The following AGBL1 variants were observed in gnomAD, a reference collection of about 807,000 sequenced individuals.
AGBL1 encodes the protein AGBL carboxypeptidase 1.
In AGBL1, 130 loss-of-function variants were observed where a neutral mutation model predicts 118.9. The observed-to-expected ratio is 1.09, with a 90% CI of 0.95 to 1.26. The LOEUF is 1.26. AGBL1 is among the 50% of genes most tolerant of loss of function. The pLI is 0.00. For missense variants in AGBL1, 1,584 were observed against 1,298.1 expected, an observed-to-expected ratio of 1.22 and a Z score of -3.38; for synonymous variants, 555 against 478.9, an observed-to-expected ratio of 1.16 and a Z score of -2.08.
chr15:86,918,031 G>A (rs902114379), downstream of AGBL1, among the ~76,000 whole-genome samples: 2 of 152,144 alleles, frequency 1.3e-5, no homozygotes, highest in Non-Finnish European at 2.9e-5. Flanking sequence ...GTTCATTTTG[G>A]ATGAAAACAT....
At chr15:86,143,592 GA>G in intron 2 of AGBL1, 106 bp from the exon 3 acceptor site, 1 of 1,370,920 alleles carries the variant, frequency 7.3e-7, no homozygotes, top group Non-Finnish European at 9.9e-7. Context: ...TTACGTAGTT[GA>G]AATGAACTAA....
At chr15:86,312,890 A>G (rs935663355) in intron 17 of AGBL1, among the ~76,000 whole-genome samples, 1 of 152,208 alleles carries the variant, frequency 6.6e-6, no homozygotes, top group African/African-American at 2.4e-5. Flanking sequence ...AGCAAAAAAC[A>G]TTTTGTTCAA....
chr15:86,475,233 T>C (rs537421492), intron 18 of AGBL1, among the ~76,000 whole-genome samples: 3 of 152,294 alleles, frequency 2.0e-5, no homozygotes, highest in South Asian at 2.1e-4. Flanking sequence ...AGAATGACTT[T>C]GACGCGCTGA....
chr15:86,257,167 G>A, intron 8 of AGBL1, 149 bp downstream of exon 8: 1 of 942,672 alleles, frequency 1.1e-6, no homozygotes. Flanking sequence ...TGAAAAAGCA[G>A]TTTTGATTTT....
intron 21 of AGBL1, among the ~76,000 whole-genome samples, chr15:86,565,122 C>G (rs191477001): frequency 2.7e-4 from 41 of 152,356 alleles, no homozygotes; most frequent in Admixed American, 1.2e-3. Context: ...AAGCCTTCTT[C>G]TCTCAAATCG....
At chr15:86,088,896 T>C (rs1292746711) in intron 1 of AGBL1, among the ~76,000 whole-genome samples, 4 of 152,174 alleles carry the variant, frequency 2.6e-5, no homozygotes, top group Non-Finnish European at 5.9e-5. Context: ...GTTTTTGTGC[T>C]CCTTTTCTTC....
At position 86,634,546 on chromosome 15, in the gene AGBL1, G is replaced by A. The variant is rs116359885; in HGVS notation, c.2995-39727G>A. On this transcript the variant is annotated intron_variant, in intron 21 of 22. Coordinates refer to ENST00000614907, the MANE Select transcript of AGBL1 (RefSeq NM_001386094.1). The stretch of plus-strand genomic sequence containing the variant: ...GAAAGTGGATTACTGGTTGCCTGGA[G>A]CTAGGGAAATGGAAAATGGGAAGTG... Among the ~76,000 whole-genome samples, 1,086 of 152,272 alleles carry A rather than the reference G, an allele frequency of 7.1e-3. 11 individuals carry two copies. Among genetic ancestry groups the A allele is most frequent in the African/African-American group, 0.025 (1,029 of 41,546 alleles).
intron 15 of AGBL1, 149 bp from the exon 16 acceptor site, chr15:86,279,490 G>T: frequency 1.3e-6 from 1 of 759,412 alleles, no homozygotes; most frequent in East Asian, 2.7e-5. Context: ...CCTTTTCTCA[G>T]TTTCACCCAC....
chr15:86,910,992 G>A lies in AGBL1; in HGVS notation c.*3698G>A, dbSNP rs2080342505. On this transcript the variant is annotated 3_prime_UTR_variant, in exon 23 of 23. Coordinates refer to ENST00000614907, the MANE Select transcript of AGBL1 (RefSeq NM_001386094.1). ...AGAGCCATTCTTCCAGTCAAGCCAG[G>A]ACTTTCTCTTGCTGGCCAGACCACT... is the stretch of plus-strand genomic sequence containing the variant. The A allele has an allele frequency of 6.6e-6, 1 of 152,202 alleles. No homozygotes were observed. The highest frequency in any genetic ancestry group is 1.5e-5 in the Non-Finnish European group (1 of 68,068). 9.4% of individuals were successfully genotyped at this position (152,202 alleles called of 1,614,324 possible).
chr15:86,304,696 G>A (rs769366281), intron 17 of AGBL1, among the ~76,000 whole-genome samples: 3 of 152,162 alleles, frequency 2.0e-5, no homozygotes, highest in Non-Finnish European at 4.4e-5. Flanking sequence ...GGGTCCCCAA[G>A]GGTAGCCACA....
At chr15:86,259,561 T>C (rs749775556) in intron 9 of AGBL1, among the ~76,000 whole-genome samples, 4 of 152,200 alleles carry the variant, frequency 2.6e-5, no homozygotes, top group Middle Eastern at 3.2e-3. Context: ...ACCCTGCTGA[T>C]GGTAGTAGCA....
At position 86,717,273 on chromosome 15, in the gene AGBL1, C is replaced by T. The variant is rs78986987; in HGVS notation, c.3158+42837C>T. On this transcript the variant is annotated intron_variant, in intron 22 of 22. Transcript: ENST00000614907. ...AGTATTAGTTTCCATTTTATAAACT[C>T]GATTTCTGCAAATAAAATTCATATA... is the stretch of plus-strand genomic sequence containing the variant. Among the ~76,000 whole-genome samples, 398 of 152,182 alleles carry T rather than the reference C, an allele frequency of 2.6e-3. 1 individual carries two copies. Among genetic ancestry groups the T allele is most frequent in the African/African-American group, 9.1e-3 (376 of 41,522 alleles).
At chr15:86,988,308 G>A (rs2081304315) in intron 24 of AGBL1, 5 of 487,296 alleles carry the variant, frequency 1.0e-5, no homozygotes, top group African/African-American at 3.9e-5. Flanking sequence ...ATTACTGGTT[G>A]TTCTGTATGC....
At chr15:86,086,038 T>C (rs1416439511) in intron 1 of AGBL1, among the ~76,000 whole-genome samples, 2 of 152,198 alleles carry the variant, frequency 1.3e-5, no homozygotes, top group Non-Finnish European at 2.9e-5. Flanking sequence ...TAATTGGAAA[T>C]GCAGTGATGC....
At chr15:86,154,345 C>A in intron 3 of AGBL1, 85 bp from the exon 4 acceptor site, 1 of 1,437,438 alleles carries the variant, frequency 7.0e-7, no homozygotes, top group Admixed American at 2.2e-5. Context: ...CCTCCTTCAC[C>A]ATCTTCCCCT....
intron 22 of AGBL1, among the ~76,000 whole-genome samples, chr15:86,725,132 T>TTGAATAAA (rs1412901299): frequency 1.7e-4 from 26 of 152,292 alleles, no homozygotes; most frequent in African/African-American, 5.8e-4. Context: ...TAAATGTGGG[T>TTGAATAAA]TGAATAAATG....
At position 86,398,405 on chromosome 15, in the gene AGBL1, G is replaced by A. The variant is rs965019186; in HGVS notation, c.2555+859G>A. 2.6e-5 allele frequency among the ~76,000 whole-genome samples: 4 copies of A among 151,842 alleles called. No homozygotes were observed. The East Asian group carries it at 7.7e-4, about 29-fold the overall frequency. On this transcript the variant is annotated intron_variant, in intron 18 of 22. Coordinates refer to ENST00000614907, the MANE Select transcript of AGBL1 (RefSeq NM_001386094.1). ...GCCATGGTAATAGATGAATAGGAAT[G>A]GACATTCTATCCCATGAGAAAAAGA...
rs1474017132 is a variant in AGBL1, at chr15:86,523,635, A to T, written c.2685+696A>T. 2.0e-5 allele frequency among the ~76,000 whole-genome samples: 3 copies of T among 152,166 alleles called. No homozygotes were observed. In the East Asian group the frequency reaches 5.8e-4, roughly 29 times the overall value. On this transcript the variant is annotated intron_variant, in intron 19 of 22. Transcript: ENST00000614907. ...TCTGGTATCTCAGTTATTGCATAAG[A>T]AAGAAAATGTATATACCTATTAAAT...
chr15:86,458,778 A>G (rs1459373913), intron 18 of AGBL1, among the ~76,000 whole-genome samples: 2 of 152,152 alleles, frequency 1.3e-5, no homozygotes, highest in Non-Finnish European at 2.9e-5. Context: ...AGGTTGCAGG[A>G]GATAATTTTT....
Sources: gnomAD v4.1 joint callset for allele counts (sites outside exome capture counted in the v4.1 genomes callset) on GRCh38, gnomAD v4.1.1 for gene constraint, MANE v1.5 for transcripts, NCBI Gene and HGNC (gene_info 2026-07-23, HGNC 2026-07-21) for gene names.